The following BCAS3 variants were observed in gnomAD, a reference collection of about 807,000 sequenced individuals.
BCAS3 encodes BCAS4/BCAS3 fusion.
A neutral mutation model predicts 116.1 loss-of-function variants in BCAS3; 53 were observed. The observed-to-expected ratio is 0.46, with a 90% confidence interval of 0.37 to 0.57. The LOEUF is 0.57. BCAS3 is among the 20% of genes least tolerant of loss of function. The pLI is 0.00. For missense variants in BCAS3, 917 were observed against 1,165.4 expected (o/e 0.79, Z 3.10); for synonymous variants, 391 against 408.2 (o/e 0.96, Z 0.51).
intron 14 of BCAS3, among the ~76,000 whole-genome samples, chr17:60,982,031 A>G (rs2062847370): frequency 6.6e-6 from 1 of 152,188 alleles, no homozygotes; most frequent in Admixed American, 6.5e-5. Context: ...ACAAATGTGT[A>G]TATGTAGTTA....
At chr17:60,950,060 A>G (rs2060748264) in intron 14 of BCAS3, among the ~76,000 whole-genome samples, 1 of 152,156 alleles carries the variant, frequency 6.6e-6, no homozygotes, top group Non-Finnish European at 1.5e-5. Flanking sequence ...TTTCACACAA[A>G]CCAAATATAA....
At chr17:60,996,153 A>AG (rs1161824562) in intron 15 of BCAS3, among the ~76,000 whole-genome samples, 1 of 152,102 alleles carries the variant, frequency 6.6e-6, no homozygotes, top group Non-Finnish European at 1.5e-5. Flanking sequence ...CATGAGATGG[A>AG]GGGGGGCTCT....
chr17:61,027,532 T>G, intron 16 of BCAS3: 1 of 322,934 alleles, frequency 3.1e-6, no homozygotes, highest in Non-Finnish European at 6.0e-6. Context: ...AGAATACAGC[T>G]TTGTCAGTCT....
In BCAS3 at chr17:61,316,666, A is replaced by G. The variant is rs1036477135; in HGVS notation, c.2426-51661A>G. Among the ~76,000 whole-genome samples, 1 of 152,206 alleles carries G rather than the reference A, an allele frequency of 6.6e-6. No homozygotes were observed. Among genetic ancestry groups the G allele is most frequent in the Non-Finnish European group, 1.5e-5 (1 of 68,040 alleles). The stretch of plus-strand genomic sequence containing the variant: ...GGGAGGGAGAGAGGGAAGGAGAAGG[A>G]GGATAAAATAAAAGGAAAAGAAGAG... On this transcript the variant is annotated intron_variant, in intron 22 of 23. Transcript: ENST00000407086. This position sits in a 1 kb window ranked among gnomAD's most constrained non-coding sequence, Gnocchi z 5.8.
chr17:61,167,083 T>C (rs932436700), intron 22 of BCAS3, among the ~76,000 whole-genome samples: 1 of 152,194 alleles, frequency 6.6e-6, no homozygotes, highest in East Asian at 1.9e-4. Flanking sequence ...TTTTGTGAAA[T>C]AGGTAAATAT....
chr17:60,784,758 A>C (rs1470126865), intron 6 of BCAS3, among the ~76,000 whole-genome samples: 2 of 152,102 alleles, frequency 1.3e-5, no homozygotes, highest in African/African-American at 4.8e-5. Context: ...GTTTATTTTA[A>C]AAGCGTTTCT....
intron 4 of BCAS3, among the ~76,000 whole-genome samples, chr17:60,701,805 CAA>C (rs71370178): frequency 7.8e-5 from 6 of 77,048 alleles, no homozygotes; most frequent in Admixed American, 2.7e-4. Flanking sequence ...ACTAAAAATA[CAA>C]AAAAAAAAAA....
intron 22 of BCAS3, among the ~76,000 whole-genome samples, chr17:61,328,519 C>T (rs1046057611): frequency 3.3e-5 from 5 of 152,328 alleles, no homozygotes; most frequent in Middle Eastern, 3.4e-3. Flanking sequence ...GTAATCCCAA[C>T]GCTTTGTGAG....
chr17:61,174,081 G>T (rs764690738), intron 22 of BCAS3, among the ~76,000 whole-genome samples: 11 of 152,086 alleles, frequency 7.2e-5, no homozygotes, highest in Non-Finnish European at 1.5e-4. Context: ...GAAGAAAATT[G>T]TTTAATATTT....
intron 22 of BCAS3, among the ~76,000 whole-genome samples, chr17:61,101,452 G>C (rs138292723): frequency 7.1e-4 from 108 of 152,260 alleles, no homozygotes; most frequent in African/African-American, 2.3e-3. Context: ...GAGTGGGGGA[G>C]TGCAAGGCAA....
At chr17:61,064,839 C>G (rs2070445247) in intron 19 of BCAS3, among the ~76,000 whole-genome samples, 1 of 152,084 alleles carries the variant, frequency 6.6e-6, no homozygotes, top group Non-Finnish European at 1.5e-5. Flanking sequence ...TCATTGATCC[C>G]TATAATATAT....
chr17:61,321,491 C>A (rs970787988), intron 22 of BCAS3, among the ~76,000 whole-genome samples: 1 of 152,174 alleles, frequency 6.6e-6, no homozygotes, highest in Non-Finnish European at 1.5e-5. Context: ...TGGCTGATGA[C>A]CTCAAGAAGA....
chr17:61,158,765 C>G (rs1696137886), intron 22 of BCAS3, among the ~76,000 whole-genome samples: 1 of 152,188 alleles, frequency 6.6e-6, no homozygotes, highest in African/African-American at 2.4e-5. Flanking sequence ...CCAGACTAGT[C>G]TGACTACATT....
In BCAS3 at chr17:61,380,194, G is replaced by A. The variant is rs1317781713; in HGVS notation, c.2593+11700G>A. ...TGAGAGGAGGAAGAAAATCTGAGGG[G>A]TTACCCAGGATGCCGGCTTTCTCTC... On this transcript the variant is annotated intron_variant, in intron 23 of 23. Transcript: ENST00000407086. This position sits in a 1 kb window ranked among gnomAD's most constrained non-coding sequence, Gnocchi z 4.2. The A allele has an allele frequency of 3.0e-6, 1 of 336,382 alleles. No homozygotes were observed. Among genetic ancestry groups the A allele is most frequent in the Non-Finnish European group, 5.5e-6 (1 of 180,774 alleles). 20.8% of individuals were successfully genotyped at this position (336,382 alleles called of 1,614,324 possible).
rs1276316718 is a variant in BCAS3, at chr17:61,082,166, A to G, written c.2328-2301A>G. Among the ~76,000 whole-genome samples the G allele has an allele frequency of 2.6e-5, 4 of 152,298 alleles. No homozygotes were observed. In the East Asian group the frequency reaches 7.7e-4, roughly 29 times the overall value. ...AATGTAAAAGATGCTGAGTATGCAA[A>G]GCCTCTCTTTCCACTCGATTAGCTC... On this transcript the variant is annotated intron_variant, in intron 21 of 23. Transcript: ENST00000407086. The surrounding 1 kb of genome is among the most constrained non-coding windows in gnomAD (Gnocchi z 5.1).
intron 13 of BCAS3, among the ~76,000 whole-genome samples, chr17:60,929,269 T>A (rs1376895405): frequency 2.0e-5 from 3 of 152,022 alleles, no homozygotes; most frequent in East Asian, 1.9e-4. Flanking sequence ...AAAAAAATTT[T>A]AAAAAATTAC....
rs927323313 is a variant in BCAS3 at position 61,278,330 on chromosome 17, C to A, written c.2426-89997C>A. ...TGCTGGGATTACAGGCATGAGCCAC[C>A]GTTCCCAGATAATTTTTGTGTTTTT... On this transcript the variant is annotated intron_variant, in intron 22 of 23. Coordinates refer to ENST00000407086, the MANE Select transcript of BCAS3 (RefSeq NM_017679.5). This position sits in a 1 kb window ranked among gnomAD's most constrained non-coding sequence, Gnocchi z 5.8. 6.6e-6 allele frequency among the ~76,000 whole-genome samples: 1 copy of A among 152,154 alleles called. No individual in the cohort carries two copies. Among genetic ancestry groups the A allele is most frequent in the African/African-American group, 2.4e-5 (1 of 41,436 alleles).
chr17:60,976,260 G>A (rs1164771954), intron 14 of BCAS3, among the ~76,000 whole-genome samples: 5 of 150,924 alleles, frequency 3.3e-5, no homozygotes, highest in East Asian at 3.9e-4. Context: ...TCCTGACCTC[G>A]TGATCCACCC....
intron 6 of BCAS3, among the ~76,000 whole-genome samples, chr17:60,766,762 G>A (rs958684900): frequency 4.6e-5 from 7 of 152,352 alleles, no homozygotes; most frequent in South Asian, 2.1e-4. Context: ...GTCTGCAGAA[G>A]TTTCTGCTGC....
Sources: allele counts gnomAD v4.1 joint callset (sites outside exome capture counted in the v4.1 genomes callset), GRCh38; gene constraint gnomAD v4.1.1; non-coding constraint Gnocchi (gnomAD v3.1); transcripts MANE v1.5; gene names NCBI Gene and HGNC (gene_info 2026-07-23, HGNC 2026-07-21).